Variants in DACH2 observed in about 807,000 individuals in gnomAD.
DACH2 encodes dachshund homolog 2.
A neutral mutation model predicts 35.8 loss-of-function variants in DACH2; 17 were observed. The observed-to-expected ratio is 0.48, with a 90% confidence interval of 0.33 to 0.71. DACH2 has a LOEUF of 0.71. Ranked by LOEUF, DACH2 falls within the 30% of genes least tolerant of loss-of-function variation. DACH2 has a pLI of 0.02. For synonymous variants in DACH2, 195 were observed against 177.3 expected, an observed-to-expected ratio of 1.10 and a Z score of -0.79; for missense variants, 469 against 472.7, an observed-to-expected ratio of 0.99 and a Z score of 0.07.
At chrX:86,496,094 G>A (rs1254492467) in intron 2 of DACH2, among the ~76,000 whole-genome samples, 1 of 110,441 alleles carries the variant, frequency 9.1e-6, no homozygotes, top group Non-Finnish European at 1.9e-5. Context: ...TATAAAGCAA[G>A]GCATATTTTA....
intron 4 of DACH2, among the ~76,000 whole-genome samples, chrX:86,685,151 A>G (rs900113773): frequency 1.8e-5 from 2 of 111,551 alleles, no homozygotes; most frequent in African/African-American, 6.5e-5. Context: ...ATTGTCTTCA[A>G]TCTGAGGTTG....
intron 7 of DACH2, among the ~76,000 whole-genome samples, chrX:86,758,411 G>C (rs762700040): frequency 9.0e-6 from 1 of 111,250 alleles, no homozygotes; most frequent in African/African-American, 3.3e-5. Context: ...CACAGGTTTT[G>C]GTATGTTGTG....
intron 3 of DACH2, among the ~76,000 whole-genome samples, chrX:86,624,906 G>A (rs1461679400): frequency 1.8e-5 from 2 of 110,764 alleles, no homozygotes; most frequent in East Asian, 2.9e-4. Context: ...AGCTGTGTAT[G>A]TTTGCTTATC....
intron 11 of DACH2, among the ~76,000 whole-genome samples, chrX:86,824,112 C>T (rs552218435): frequency 9.0e-6 from 1 of 111,022 alleles, no homozygotes; most frequent in South Asian, 3.9e-4. Context: ...TTTTTCCCCA[C>T]CCTAGTAAGC....
rs192364201 is a variant in DACH2 at position 86,718,569 on chromosome X, G to T, written c.1104+3849G>T. On this transcript the variant is annotated intron_variant, in intron 6 of 11. Coordinates refer to ENST00000373125, the MANE Select transcript of DACH2 (RefSeq NM_053281.3). ...ACTTTGCCTAGACCAATGTCCAGGA[G>T]AATTTTCCTTAGGTATTTTTATAGT... 5.3e-3 allele frequency among the ~76,000 whole-genome samples: 589 copies of T among 111,632 alleles called. 7 individuals carry two copies. The highest frequency in any genetic ancestry group is 0.018 in the African/African-American group (556 of 30,750).
intron 1 of DACH2, among the ~76,000 whole-genome samples, chrX:86,277,363 T>G (rs1235847213): frequency 4.5e-5 from 5 of 112,074 alleles, no homozygotes; most frequent in African/African-American, 6.5e-5. Context: ...CAAACGTAAT[T>G]ATGGTTTTTG....
At chrX:86,295,134 A>T (rs2034418880) in intron 1 of DACH2, among the ~76,000 whole-genome samples, 1 of 112,682 alleles carries the variant, frequency 8.9e-6, no homozygotes, top group South Asian at 3.6e-4. Context: ...CCCGTTTTTT[A>T]AGCCCATCGG....
At chrX:86,478,631 T>C (rs1457574870) in intron 2 of DACH2, among the ~76,000 whole-genome samples, 1 of 108,904 alleles carries the variant, frequency 9.2e-6, no homozygotes, top group Non-Finnish European at 1.9e-5. Context: ...TTTGGGTTGT[T>C]TTGAAACTGG....
chrX:86,380,717 G>C (rs1418185182), intron 2 of DACH2, among the ~76,000 whole-genome samples: 1 of 109,930 alleles, frequency 9.1e-6, no homozygotes, highest in Non-Finnish European at 1.9e-5. Context: ...ACAAATGAAA[G>C]ATGACCACTA....
At chrX:86,797,019 C>T (rs1223425838) in intron 7 of DACH2, among the ~76,000 whole-genome samples, 2 of 110,824 alleles carry the variant, frequency 1.8e-5, no homozygotes, top group Non-Finnish European at 1.9e-5. Context: ...ACTGTGTAAA[C>T]GTTATTTGAA....
chrX:86,528,400 G>GC (rs1458527172), intron 3 of DACH2, among the ~76,000 whole-genome samples: 2 of 111,244 alleles, frequency 1.8e-5, no homozygotes, highest in Non-Finnish European at 3.8e-5. Flanking sequence ...TGTATTTGTG[G>GC]CAAGGGCATT....
At chrX:86,713,443 A>T (rs1256705612) in intron 5 of DACH2, among the ~76,000 whole-genome samples, 1 of 111,578 alleles carries the variant, frequency 9.0e-6, no homozygotes, top group Admixed American at 9.6e-5. Flanking sequence ...TACCAAGAGT[A>T]AAAAAGGACG....
intron 3 of DACH2, among the ~76,000 whole-genome samples, chrX:86,623,126 C>T (rs2040088080): frequency 8.9e-6 from 1 of 111,849 alleles, no homozygotes; most frequent in Admixed American, 9.5e-5. Context: ...TAGTCAATGA[C>T]CTATAGCAGA....
chrX:86,495,375 A>G (rs1351383880), intron 2 of DACH2, among the ~76,000 whole-genome samples: 2 of 108,727 alleles, frequency 1.8e-5, no homozygotes, highest in Non-Finnish European at 3.8e-5. Flanking sequence ...TTTTTTAACT[A>G]AGACTTCAAA....
At chrX:86,381,672 T>C (rs1433130322) in intron 2 of DACH2, among the ~76,000 whole-genome samples, 2 of 111,203 alleles carry the variant, frequency 1.8e-5, no homozygotes, top group Non-Finnish European at 3.8e-5. Context: ...TACGTATCTT[T>C]CCTTTTCCTT....
intron 1 of DACH2, among the ~76,000 whole-genome samples, chrX:86,259,100 T>C (rs2033577906): frequency 8.9e-6 from 1 of 112,182 alleles, no homozygotes; most frequent in Non-Finnish European, 1.9e-5. Flanking sequence ...AAAAATTAAA[T>C]AGCAATATTC....
intron 3 of DACH2, among the ~76,000 whole-genome samples, chrX:86,533,409 A>T (rs2038752400): frequency 8.9e-6 from 1 of 112,017 alleles, no homozygotes; most frequent in African/African-American, 3.2e-5. Context: ...TCTTTATTGT[A>T]ACTTTCTATC....
At chrX:86,165,048 AT>A (rs936084183) in intron 1 of DACH2, among the ~76,000 whole-genome samples, 3 of 111,086 alleles carry the variant, frequency 2.7e-5, no homozygotes, top group Admixed American at 1.9e-4. Flanking sequence ...TTTTAATGAT[AT>A]TGATTATTTT....
At chrX:86,372,257 T>G (rs1454890721) in intron 1 of DACH2, among the ~76,000 whole-genome samples, 1 of 111,311 alleles carries the variant, frequency 9.0e-6, no homozygotes, top group East Asian at 2.8e-4. Context: ...CTTTCTTCAT[T>G]AATAAAAGTA....
Sources: allele counts gnomAD v4.1 joint callset (sites outside exome capture counted in the v4.1 genomes callset), GRCh38; gene constraint gnomAD v4.1.1; transcripts MANE v1.5; gene names NCBI Gene and HGNC (gene_info 2026-07-23, HGNC 2026-07-21).